The following CACNG5 variants were observed in gnomAD, a reference collection of about 807,000 sequenced individuals.
CACNG5 encodes calcium voltage-gated channel auxiliary subunit gamma 5.
A neutral mutation model predicts 24.8 loss-of-function variants in CACNG5; 18 were observed. That is an observed-to-expected ratio of 0.73 (90% CI 0.50 to 1.08). CACNG5 has a LOEUF of 1.08. CACNG5 is among the 50% of genes least tolerant of loss of function. The pLI is 0.00. For missense variants in CACNG5, 349 were observed against 367.9 expected (o/e 0.95, Z 0.42); for synonymous variants, 157 against 149.1 (o/e 1.05, Z -0.39).
rs1490083894 is a variant in CACNG5, at chr17:66,889,617, G to T, written c.*4377G>T. On this transcript the variant is annotated 3_prime_UTR_variant, in exon 6 of 6. Coordinates refer to ENST00000533854, the MANE Select transcript of CACNG5 (RefSeq NM_145811.3). The stretch of plus-strand genomic sequence containing the variant: ...AGTACAACCAAAATCTGATGGCAGA[G>T]GCTGGTTGGGCTGGAGACCCGGTGA... Among the ~76,000 whole-genome samples, 1 of 152,210 alleles carries T rather than the reference G, an allele frequency of 6.6e-6. No homozygotes were observed. The highest frequency in any genetic ancestry group is 2.4e-5 in the African/African-American group (1 of 41,466).
intron 4 of CACNG5, 44 bp downstream of exon 4, chr17:66,880,741 T>G: frequency 6.2e-7 from 1 of 1,600,270 alleles, no homozygotes; most frequent in Non-Finnish European, 8.5e-7. Flanking sequence ...GAATTTTTTG[T>G]TTTTTGTTTT....
chr17:66,871,611 G>A (rs533874023), intron 1 of CACNG5, among the ~76,000 whole-genome samples: 3 of 152,244 alleles, frequency 2.0e-5, no homozygotes, highest in South Asian at 4.1e-4. Context: ...GATAATTAGC[G>A]ACTGTTAATT....
intron 1 of CACNG5, among the ~76,000 whole-genome samples, chr17:66,856,677 G>T (rs1400775111): frequency 2.6e-5 from 4 of 152,022 alleles, no homozygotes; most frequent in Non-Finnish European, 5.9e-5. Flanking sequence ...GAGCAGCTGG[G>T]ATTACAGGTA....
intron 1 of CACNG5, among the ~76,000 whole-genome samples, chr17:66,838,991 T>C (rs11867244): frequency 0.05 from 6,744 of 133,562 alleles, 246 homozygotes; most frequent in African/African-American, 0.1. Flanking sequence ...AGACAGAGTC[T>C]CACTCTGTCA....
intron 1 of CACNG5, among the ~76,000 whole-genome samples, chr17:66,841,723 C>T (rs555681554): frequency 6.6e-6 from 1 of 152,296 alleles, no homozygotes; most frequent in South Asian, 2.1e-4. Flanking sequence ...TAGACAAGTC[C>T]CCACACTCCT....
chr17:66,843,956 C>T (rs1976601548), intron 1 of CACNG5, among the ~76,000 whole-genome samples: 1 of 140,630 alleles, frequency 7.1e-6, no homozygotes, highest in East Asian at 2.1e-4. Context: ...AGGCCCTTGA[C>T]TCGGGGGGAG....
chr17:66,890,195 CCCGGCTAGCA>C lies in CACNG5; in HGVS notation c.*4957_*4966del, dbSNP rs770544365. Among the ~76,000 whole-genome samples the C allele has an allele frequency of 9.2e-5, 14 of 152,328 alleles. No individual in the cohort carries two copies. The highest frequency in any genetic ancestry group is 4.1e-4 in the South Asian group (2 of 4,828). ...CTGTCTAATGCACCTGTGCCTGAGG[CCCGGCTAGCA>C]CTGTGAGTGTGGGTTCATCCATGGT... On this transcript the variant is annotated 3_prime_UTR_variant, in exon 6 of 6. Transcript: ENST00000533854.
At chr17:66,883,037 A>G in intron 4 of CACNG5, among the ~76,000 whole-genome samples, 1 of 151,892 alleles carries the variant, frequency 6.6e-6, no homozygotes, top group East Asian at 1.9e-4. Context: ...CCATTTTTCA[A>G]TCTACCACCA....
intron 4 of CACNG5, among the ~76,000 whole-genome samples, chr17:66,881,967 G>A (rs1663814635): frequency 6.6e-6 from 1 of 152,152 alleles, no homozygotes; most frequent in African/African-American, 2.4e-5. Context: ...CGGGACTTTA[G>A]GAGAAGACTT....
rs577098650 is a variant in CACNG5 at position 66,860,025 on chromosome 17, G to A, written c.-103-17205G>A. Among the ~76,000 whole-genome samples, 3 of 152,264 alleles carry A rather than the reference G, an allele frequency of 2.0e-5. No homozygotes were observed. In the South Asian group the frequency reaches 6.2e-4, roughly 32 times the overall value. ...TTATCTTAGGCAAGAAGCTGATACT[G>A]TTGAGAAAAATCAGGTCAGAGTTTC... On this transcript the variant is annotated intron_variant, in intron 1 of 5. Coordinates refer to ENST00000533854, the MANE Select transcript of CACNG5 (RefSeq NM_145811.3).
chr17:66,890,085 C>T lies in CACNG5; in HGVS notation c.*4845C>T, dbSNP rs1249087900. Among the ~76,000 whole-genome samples the T allele has an allele frequency of 1.3e-5, 2 of 152,196 alleles. No individual in the cohort carries two copies. Among genetic ancestry groups the T allele is most frequent in the South Asian group, 2.1e-4 (1 of 4,834 alleles). ...ACTCAGTGAACCACTTTCATATGCT[C>T]GTGTGACACTTGGAAGTTAACCTGC... On this transcript the variant is annotated 3_prime_UTR_variant, in exon 6 of 6. Coordinates refer to ENST00000533854, the MANE Select transcript of CACNG5 (RefSeq NM_145811.3).
intron 1 of CACNG5, among the ~76,000 whole-genome samples, chr17:66,840,436 TC>T (rs900570430): frequency 1.3e-5 from 2 of 152,038 alleles, no homozygotes; most frequent in African/African-American, 4.8e-5. Flanking sequence ...TGCCCCGGCT[TC>T]CCCAGGAAGC....
chr17:66,892,486 G>A lies in CACNG5; in HGVS notation c.*7246G>A, dbSNP rs556636743. Among the ~76,000 whole-genome samples the A allele has an allele frequency of 5.9e-5, 9 of 152,350 alleles. No individual in the cohort carries two copies. The highest frequency in any genetic ancestry group is 2.2e-4 in the African/African-American group (9 of 41,586). The stretch of plus-strand genomic sequence containing the variant: ...TCTCGGGCTCTGACTATCAAGTTCA[G>A]GTCAATCTTCATCACTGGTCTTTGA... On this transcript the variant is annotated 3_prime_UTR_variant, in exon 6 of 6. Coordinates refer to ENST00000533854, the MANE Select transcript of CACNG5 (RefSeq NM_145811.3).
At chr17:66,844,781 G>C (rs1424514896) in intron 1 of CACNG5, among the ~76,000 whole-genome samples, 1 of 152,146 alleles carries the variant, frequency 6.6e-6, no homozygotes, top group African/African-American at 2.4e-5. Flanking sequence ...TATAGGTGAA[G>C]AAACTGAGGC....
chr17:66,858,285 G>C (rs1361429665), intron 1 of CACNG5, among the ~76,000 whole-genome samples: 1 of 152,160 alleles, frequency 6.6e-6, no homozygotes, highest in Non-Finnish European at 1.5e-5. Context: ...AGCCAGCCTG[G>C]TGGTCAACCT....
Position 66,885,596 on chromosome 17 carries a change from T to G in CACNG5, c.*356T>G. On this transcript the variant is annotated 3_prime_UTR_variant, in exon 6 of 6. Coordinates refer to ENST00000533854, the MANE Select transcript of CACNG5 (RefSeq NM_145811.3). ...CCTGCACCCCCCAACTTCATGGCCC[T>G]GGGCCAGGGCCAGCTCTGAGATGCC... 1 of 234,000 alleles carries G rather than the reference T, an allele frequency of 4.3e-6. No individual in the cohort carries two copies. The allele number at this position is 234,000 out of a possible 1,614,324, so 14.5% of individuals were successfully genotyped here. A position where few individuals can be genotyped will look rare whatever the true frequency, so the allele number is the denominator to read the frequency against.
chr17:66,863,243 C>T (rs1002851371), intron 1 of CACNG5, among the ~76,000 whole-genome samples: 6 of 152,086 alleles, frequency 3.9e-5, no homozygotes, highest in African/African-American at 1.4e-4. Context: ...TAAATTTAGT[C>T]AGAGAACAAA....
intron 1 of CACNG5, among the ~76,000 whole-genome samples, chr17:66,836,411 C>A (rs1041320007): frequency 6.6e-6 from 1 of 152,214 alleles, no homozygotes. Flanking sequence ...CAATTAACAG[C>A]CAGGATTGCC....
intron 1 of CACNG5, among the ~76,000 whole-genome samples, chr17:66,852,052 C>A (rs938407220): frequency 6.6e-6 from 1 of 152,176 alleles, no homozygotes; most frequent in Non-Finnish European, 1.5e-5. Context: ...ACCATCTAAT[C>A]GGCTGGGGCC....
Sources: gnomAD v4.1 joint callset for allele counts (sites outside exome capture counted in the v4.1 genomes callset) on GRCh38, gnomAD v4.1.1 for gene constraint, MANE v1.5 for transcripts, NCBI Gene and HGNC (gene_info 2026-07-23, HGNC 2026-07-21) for gene names.